SLC30A7: variants seen among roughly 807,000 people sequenced by gnomAD.
SLC30A7 encodes the protein solute carrier family 30 member 7.
A neutral mutation model predicts 46.0 loss-of-function variants in SLC30A7; 35 were observed. That is an observed-to-expected ratio of 0.76 (90% confidence interval 0.58 to 1.01). SLC30A7 has a LOEUF of 1.01. SLC30A7 is among the 50% of genes least tolerant of loss of function. The probability of loss-of-function intolerance (pLI) is 0.00; values close to 1 mark genes in which losing one functional copy is unlikely to be tolerated. For synonymous variants in SLC30A7, 147 were observed against 157.8 expected (o/e 0.93, Z 0.51); for missense variants, 464 against 451.1 (o/e 1.03, Z -0.26).
At position 100,924,874 on chromosome 1, in the gene SLC30A7, A is replaced by G. The variant is rs573331735; in HGVS notation, c.842+3033A>G. 4.1e-4 allele frequency among the ~76,000 whole-genome samples: 62 copies of G among 152,328 alleles called. 1 individual carries two copies. Among genetic ancestry groups the G allele is most frequent in the African/African-American group, 1.4e-3 (60 of 41,584 alleles). ...AAACTTGTTTTACTGAATATAACAC[A>G]CATGAAGAAAACTGCACAAATCATC... On this transcript the variant is annotated intron_variant, in intron 8 of 10. Coordinates refer to ENST00000357650, the MANE Select transcript of SLC30A7 (RefSeq NM_133496.5).
the SLC30A7 span, among the ~76,000 whole-genome samples, chr1:100,991,788 C>CAAAAAAA: frequency 2.7e-4 from 27 of 101,064 alleles, 1 homozygote; most frequent in Non-Finnish European, 4.0e-4. Flanking sequence ...GACCCCATCT[C>CAAAAAAA]AAAAAAAAAA....
At chr1:100,944,690 T>G (rs1171887167) in intron 8 of SLC30A7, among the ~76,000 whole-genome samples, 1 of 133,392 alleles carries the variant, frequency 7.5e-6, no homozygotes, top group Admixed American at 8.7e-5. Context: ...TGCCACAATT[T>G]CTTAATACAG....
Position 100,906,882 on chromosome 1 carries a change from G to A in SLC30A7, c.213G>A (p.Met71Ile). Reference sequence around the variant, plus strand: ...GCTTGATTTCCGACTCTTTTCACATGTTTTTCGATAGCACTGCCATTTTGG... The same window carrying A: ...GCTTGATTTCCGACTCTTTTCACATATTTTTCGATAGCACTGCCATTTTGG... ...CLGLISDSFH[M>I]FFDSTAILAG... The change falls in exon 3 of 11, where the codon ATG (methionine) becomes ATA (isoleucine). Residue 71 changes from methionine to isoleucine, a missense_variant. Transcript: ENST00000357650. 1.2e-6 allele frequency: 2 copies of A among 1,613,250 alleles called. No homozygotes were observed. The highest frequency in any genetic ancestry group is 1.7e-6 in the Non-Finnish European group (2 of 1,179,500).
chr1:100,974,957 C>T lies in SLC30A7; in HGVS notation c.*100C>T, dbSNP rs1443289502. The T allele has an allele frequency of 4.1e-6, 4 of 970,456 alleles. No homozygotes were observed. The highest frequency in any genetic ancestry group is 6.2e-6 in the Non-Finnish European group (4 of 647,104). 60.1% of individuals were successfully genotyped at this position (970,456 alleles called of 1,614,324 possible). ...GCTTTTTAAAAGAGAGAAATTATCA[C>T]TACAACTCCCGAGCACTAAGTAGAC... is the stretch of plus-strand genomic sequence containing the variant. On this transcript the variant is annotated 3_prime_UTR_variant, in exon 11 of 11. Coordinates refer to ENST00000357650, the MANE Select transcript of SLC30A7 (RefSeq NM_133496.5).
intron 8 of SLC30A7, among the ~76,000 whole-genome samples, chr1:100,946,557 A>G (rs1654649768): frequency 6.6e-6 from 1 of 152,116 alleles, no homozygotes. Context: ...TGGTTTTTGT[A>G]GTTGGTTCAG....
the SLC30A7 span, chr1:100,995,000 A>G: frequency 1.4e-6 from 1 of 732,714 alleles, no homozygotes; most frequent in Non-Finnish European, 2.4e-6. Flanking sequence ...TCACACTGTT[A>G]ATGAGAGCTC....
At position 100,917,141 on chromosome 1, in the gene SLC30A7, CT is replaced by C. The variant is rs369566739; in HGVS notation, c.656-934del. On this transcript the variant is annotated intron_variant, in intron 6 of 10. Transcript: ENST00000357650. ...CAGTTACACTGGTATGCTTTAAAACCTTGCTTTTCCAACTTTTTTGCTCACA... is the reference window on the plus strand; with the variant it reads ...CAGTTACACTGGTATGCTTTAAAACCTGCTTTTCCAACTTTTTTGCTCACA... 1.7e-3 allele frequency among the ~76,000 whole-genome samples: 265 copies of C among 152,288 alleles called. 8 individuals carry two copies. In the South Asian group the frequency reaches 0.051, roughly 29 times the overall value.
intron 8 of SLC30A7, among the ~76,000 whole-genome samples, chr1:100,960,630 A>C (rs979569827): frequency 6.6e-6 from 1 of 152,136 alleles, no homozygotes; most frequent in Admixed American, 6.5e-5. Context: ...CTTCACCTAC[A>C]GCTATTATCT....
intron 10 of SLC30A7, among the ~76,000 whole-genome samples, chr1:100,969,784 G>C (rs1656056011): frequency 6.6e-6 from 1 of 152,128 alleles, no homozygotes; most frequent in African/African-American, 2.4e-5. Flanking sequence ...ATTTTTCCTA[G>C]GGGAGAGGGG....
chr1:100,951,511 A>G (rs138008935), intron 8 of SLC30A7, among the ~76,000 whole-genome samples: 3 of 152,166 alleles, frequency 2.0e-5, no homozygotes, highest in Admixed American at 2.0e-4. Context: ...ATGGAACCCA[A>G]CTTTTCCACA....
Position 100,921,761 on chromosome 1 carries a change from T to A in SLC30A7, c.762T>A (p.Ser254=). Residue 254 remains serine (S), a synonymous_variant, in exon 8 of 11, where the codon TCT becomes TCA. Coordinates refer to ENST00000357650, the MANE Select transcript of SLC30A7 (RefSeq NM_133496.5). ...TTGGAAGTATTGGTGTAATTGCTTC[T>A]GCCATCATGATGCAAAATTTTGGTC... is the stretch of plus-strand genomic sequence containing the variant. The part of the protein sequence containing the change: ...DTLGSIGVIA[S]AIMMQNFGLM... 6.2e-7 allele frequency: 1 copy of A among 1,612,810 alleles called. No homozygotes were observed. Among genetic ancestry groups the A allele is most frequent in the Non-Finnish European group, 8.5e-7 (1 of 1,179,142 alleles).
At chr1:100,922,684 T>C (rs892124539) in intron 8 of SLC30A7, among the ~76,000 whole-genome samples, 5 of 152,210 alleles carry the variant, frequency 3.3e-5, no homozygotes, top group Non-Finnish European at 1.5e-5. Context: ...ACAGGGACAA[T>C]GTATATGGAA....
intron 2 of SLC30A7, 57 bp downstream of exon 2, chr1:100,896,728 T>G: frequency 1.4e-6 from 2 of 1,456,462 alleles, no homozygotes; most frequent in South Asian, 1.2e-5. Flanking sequence ...GACGAAGCAC[T>G]GTTTGCTTAA....
chr1:100,948,553 G>T (rs1304506166), intron 8 of SLC30A7, among the ~76,000 whole-genome samples: 2 of 152,066 alleles, frequency 1.3e-5, no homozygotes, highest in Non-Finnish European at 2.9e-5. Context: ...CTATCTTTGT[G>T]GTGTTCTTTA....
At chr1:100,947,175 A>T (rs1200586381) in intron 8 of SLC30A7, among the ~76,000 whole-genome samples, 1 of 152,068 alleles carries the variant, frequency 6.6e-6, no homozygotes, top group Non-Finnish European at 1.5e-5. Flanking sequence ...ATCTTTCCAG[A>T]TTTCTCTTGT....
At position 100,969,295 on chromosome 1, in the gene SLC30A7, A is replaced by G. The variant is rs934130753; in HGVS notation, c.1083+3377A>G. ...CAACAAGATAACCAGGCTAGCAGTA[A>G]TGTTTCTTTTCACTGACATTTCCAG... On this transcript the variant is annotated intron_variant, in intron 10 of 10. Coordinates refer to ENST00000357650, the MANE Select transcript of SLC30A7 (RefSeq NM_133496.5). Among the ~76,000 whole-genome samples, 12 of 152,264 alleles carry G rather than the reference A, an allele frequency of 7.9e-5. No homozygotes were observed. In the Middle Eastern group the frequency reaches 0.01, roughly 129 times the overall value.
chr1:100,976,356 T>G lies in SLC30A7; in HGVS notation c.*1499T>G, dbSNP rs1325861276. On this transcript the variant is annotated 3_prime_UTR_variant, in exon 11 of 11. Transcript: ENST00000357650. ...TTTCAGGAATCCTAAAGCAGCATTT[T>G]ATTGAGTTTGAATTATTAAAGGTAC... 6.6e-6 allele frequency: 1 copy of G among 152,244 alleles called. No homozygotes were observed. Among genetic ancestry groups the G allele is most frequent in the Non-Finnish European group, 1.5e-5 (1 of 68,044 alleles). The allele number at this position is 152,244 out of a possible 1,614,324, so 9.4% of individuals were successfully genotyped here.
chr1:100,918,250 G>T, intron 7 of SLC30A7, 123 bp downstream of exon 7: 1 of 717,030 alleles, frequency 1.4e-6, no homozygotes. Context: ...TTTAGTGTTA[G>T]CCTTTCTAGT....
intron 2 of SLC30A7, among the ~76,000 whole-genome samples, chr1:100,899,417 C>T (rs1651164060): frequency 1.3e-5 from 2 of 152,152 alleles, no homozygotes; most frequent in Non-Finnish European, 2.9e-5. Flanking sequence ...TGTGATTTTT[C>T]CCTTCCTTCT....
Sources: gnomAD v4.1 joint callset for allele counts (sites outside exome capture counted in the v4.1 genomes callset) on GRCh38, gnomAD v4.1.1 for gene constraint, MANE v1.5 for transcripts, NCBI Gene and HGNC (gene_info 2026-07-23, HGNC 2026-07-21) for gene names.